CDC42BPB: variants seen among roughly 807,000 people sequenced by gnomAD.
CDC42BPB encodes CDC42 binding protein kinase beta.
CDC42BPB carries 37 observed loss-of-function variants against 214.9 expected under a neutral mutation model. The ratio of observed to expected loss-of-function variants is 0.17; its 90% confidence interval spans 0.13 to 0.23. CDC42BPB has a LOEUF of 0.23. CDC42BPB is among the 10% of genes least tolerant of loss of function. CDC42BPB has a pLI of 1.00. For synonymous variants in CDC42BPB, 931 were observed against 884.0 expected, an observed-to-expected ratio of 1.05 and a Z score of -0.94; for missense variants, 1,694 against 2,227.0, an observed-to-expected ratio of 0.76 and a Z score of 4.82.
Position 102,933,710 on chromosome 14 carries a change from C to T in CDC42BPB, c.*2G>A. ...CCTGGCCCCTGTGGCGAGCTGGCGG[C>T]TTCAGGTGTCACAGGCCGGCTGCTC... is the stretch of plus-strand genomic sequence containing the variant. On this transcript the variant is annotated 3_prime_UTR_variant, in exon 37 of 37. Transcript: ENST00000361246. The T allele has an allele frequency of 6.8e-7, 1 of 1,466,300 alleles. No homozygotes were observed. Among genetic ancestry groups the T allele is most frequent in the Non-Finnish European group, 8.9e-7 (1 of 1,123,548 alleles). 90.8% of individuals were successfully genotyped at this position (1,466,300 alleles called of 1,614,324 possible).
chr14:102,952,118 C>T (rs1555385531), intron 24 of CDC42BPB, among the ~76,000 whole-genome samples: 1 of 152,022 alleles, frequency 6.6e-6, no homozygotes, highest in African/African-American at 2.4e-5. Flanking sequence ...GAGGCTAAGG[C>T]GGGAGATCAC....
intron 1 of CDC42BPB, among the ~76,000 whole-genome samples, chr14:103,052,499 G>T (rs769309654): frequency 6.6e-6 from 1 of 151,960 alleles, no homozygotes; most frequent in Non-Finnish European, 1.5e-5. Flanking sequence ...TATTAAATTC[G>T]GTGGCATCAT....
chr14:103,028,127 C>T (rs796960869), intron 1 of CDC42BPB, among the ~76,000 whole-genome samples: 6 of 152,208 alleles, frequency 3.9e-5, no homozygotes, highest in African/African-American at 1.4e-4. Flanking sequence ...AAGACTCCTT[C>T]TCAAAAATAA....
At chr14:103,047,241 G>T (rs530264305) in intron 1 of CDC42BPB, among the ~76,000 whole-genome samples, 13 of 140,706 alleles carry the variant, frequency 9.2e-5, no homozygotes, top group Admixed American at 8.7e-4. Context: ...CTCAGATCAC[G>T]CCACTGCACT....
chr14:102,939,794 C>T (rs368319342), intron 33 of CDC42BPB, 36 bp downstream of exon 33: 19 of 1,613,858 alleles, frequency 1.2e-5, no homozygotes, highest in South Asian at 1.1e-4. Context: ...CTCCCTAGAG[C>T]GAGGCCCAGC....
intron 29 of CDC42BPB, 110 bp downstream of exon 29, chr14:102,945,552 C>T: frequency 1.0e-6 from 1 of 980,496 alleles, no homozygotes; most frequent in Non-Finnish European, 1.6e-6. Flanking sequence ...CCTCCGGCGC[C>T]TTCATCAAGC....
intron 1 of CDC42BPB, among the ~76,000 whole-genome samples, chr14:103,054,633 C>CAT (rs1888841573): frequency 6.6e-6 from 1 of 152,226 alleles, no homozygotes; most frequent in Non-Finnish European, 1.5e-5. Flanking sequence ...TATATGTTAA[C>CAT]ATAAATGAGT....
chr14:102,944,814 G>A lies in CDC42BPB; in HGVS notation c.3812-327C>T, dbSNP rs749870335. Among the ~76,000 whole-genome samples, 3 of 152,144 alleles carry A rather than the reference G, an allele frequency of 2.0e-5. No homozygotes were observed. Among genetic ancestry groups the A allele is most frequent in the Admixed American group, 6.5e-5 (1 of 15,270 alleles). ...GGGCAGCGCTTCCACCTGGGTCCTCGCGCAGCAAGGCCCTGGGGTGATCTG... is the reference window on the plus strand; with the variant it reads ...GGGCAGCGCTTCCACCTGGGTCCTCACGCAGCAAGGCCCTGGGGTGATCTG... On this transcript the variant is annotated intron_variant, in intron 29 of 36. Coordinates refer to ENST00000361246, the MANE Select transcript of CDC42BPB (RefSeq NM_006035.4). This position sits in a 1 kb window ranked among gnomAD's most constrained non-coding sequence, Gnocchi z 6.6.
intron 11 of CDC42BPB, 82 bp from the exon 12 acceptor site, chr14:102,974,231 G>T: frequency 1.9e-5 from 27 of 1,457,732 alleles, no homozygotes; most frequent in East Asian, 1.1e-4. Context: ...TTACTGACAG[G>T]AAATTATTTA....
At chr14:102,941,152 G>A (rs1891872750) in intron 30 of CDC42BPB, 16 of 985,456 alleles carry the variant, frequency 1.6e-5, no homozygotes, top group Non-Finnish European at 1.9e-5. Context: ...CACGCTCACT[G>A]CCCCCACAGC....
At chr14:102,948,674 TGGGGGTGGGTGTGGAGGTGAGG>T (rs1892333392) in intron 26 of CDC42BPB, among the ~76,000 whole-genome samples, 1 of 12,750 alleles carries the variant, frequency 7.8e-5, no homozygotes, top group African/African-American at 3.5e-4. Context: ...GGTGAGGGAG[TGGGGGTGGGTGTGGAGGTGAGG>T]GGGGAGCAGG....
At position 102,940,548 on chromosome 14, in the gene CDC42BPB, G is replaced by T. The variant is rs1005933442; in HGVS notation, c.4409-224C>A. Reference sequence around the variant, plus strand: ...GTTTAAATGCTCCACAATCACTTCCGTAACTAATATTTTGAATACTACAGT... The same window carrying T: ...GTTTAAATGCTCCACAATCACTTCCTTAACTAATATTTTGAATACTACAGT... On this transcript the variant is annotated intron_variant, in intron 30 of 36. Coordinates refer to ENST00000361246, the MANE Select transcript of CDC42BPB (RefSeq NM_006035.4). The T allele has an allele frequency of 4.7e-6, 6 of 1,264,988 alleles. No homozygotes were observed. The Admixed American group carries it at 8.6e-5, about 18-fold the overall frequency. 78.4% of individuals were successfully genotyped at this position (1,264,988 alleles called of 1,614,324 possible).
chr14:103,044,807 G>A (rs935036411), intron 1 of CDC42BPB, among the ~76,000 whole-genome samples: 2 of 150,230 alleles, frequency 1.3e-5, no homozygotes, highest in Admixed American at 6.7e-5. Flanking sequence ...CACCGTGCCC[G>A]GCCTCCAAAA....
chr14:102,980,009 G>A (rs144603731), intron 8 of CDC42BPB, among the ~76,000 whole-genome samples: 8 of 152,296 alleles, frequency 5.3e-5, no homozygotes, highest in East Asian at 3.9e-4. Context: ...GACACAAAGC[G>A]CTGTAATGTT....
At chr14:102,985,842 G>T (rs1894222054) in intron 6 of CDC42BPB, among the ~76,000 whole-genome samples, 1 of 152,278 alleles carries the variant, frequency 6.6e-6, no homozygotes, top group Non-Finnish European at 1.5e-5. Flanking sequence ...TGCCAACAGG[G>T]TGTGAGCAGA....
intron 1 of CDC42BPB, among the ~76,000 whole-genome samples, chr14:103,024,396 C>T (rs1023602500): frequency 5.9e-5 from 9 of 152,102 alleles, no homozygotes; most frequent in East Asian, 3.9e-4. Flanking sequence ...AGTGATTAAA[C>T]GGTATCTACA....
intron 1 of CDC42BPB, chr14:103,041,697 G>T: frequency 3.6e-6 from 2 of 561,048 alleles, no homozygotes; most frequent in Admixed American, 3.0e-5. Flanking sequence ...GCTGCAGCTT[G>T]GAGGAGCTCA....
At chr14:102,981,072 T>C (rs765525067) in intron 7 of CDC42BPB, 51 bp from the exon 8 acceptor site, 4 of 1,610,366 alleles carry the variant, frequency 2.5e-6, no homozygotes, top group Admixed American at 1.7e-5. Flanking sequence ...ATTCAGAGAG[T>C]TTAAGGTGTA....
intron 1 of CDC42BPB, among the ~76,000 whole-genome samples, chr14:103,044,360 C>T (rs931010275): frequency 6.0e-5 from 9 of 148,820 alleles, no homozygotes; most frequent in Non-Finnish European, 8.9e-5. Flanking sequence ...CCAACACAGC[C>T]GGCACCTTTT....
Sources: allele counts gnomAD v4.1 joint callset (sites outside exome capture counted in the v4.1 genomes callset), GRCh38; gene constraint gnomAD v4.1.1; non-coding constraint Gnocchi (gnomAD v3.1); transcripts MANE v1.5; gene names NCBI Gene and HGNC (gene_info 2026-07-23, HGNC 2026-07-21).